The following EAF2 variants were observed in gnomAD, a reference collection of about 807,000 sequenced individuals.
EAF2 encodes ELL-associated factor 2.
EAF2 carries 29 observed loss-of-function variants against 29.4 expected under a neutral mutation model. The observed-to-expected ratio is 0.99, with a 90% CI of 0.73 to 1.35. EAF2 has a LOEUF of 1.35. EAF2 is among the 40% of genes most tolerant of loss of function. The probability of loss-of-function intolerance (pLI) is 0.00; values close to 1 mark genes in which losing one functional copy is unlikely to be tolerated. For synonymous variants in EAF2, 103 were observed against 102.5 expected (o/e 1.00, Z -0.03); for missense variants, 292 against 312.0 (o/e 0.94, Z 0.48).
At chr3:121,877,306 A>C (rs2107545258) in intron 5 of EAF2, among the ~76,000 whole-genome samples, 1 of 152,050 alleles carries the variant, frequency 6.6e-6, no homozygotes, top group South Asian at 2.1e-4. Flanking sequence ...ATCTGTAATC[A>C]AGCAGAAAAA....
intron 2 of EAF2, among the ~76,000 whole-genome samples, chr3:121,845,420 A>G (rs1339811335): frequency 7.6e-6 from 1 of 132,344 alleles, no homozygotes; most frequent in African/African-American, 2.8e-5. Flanking sequence ...CCTGGGCGAT[A>G]GAGCGAGACT....
At chr3:121,869,880 C>G (rs771549408) in intron 4 of EAF2, among the ~76,000 whole-genome samples, 1 of 151,862 alleles carries the variant, frequency 6.6e-6, no homozygotes, top group Non-Finnish European at 1.5e-5. Flanking sequence ...CAGAGTAAGA[C>G]CCTATCTAAA....
chr3:121,862,258 A>C (rs929550570), intron 4 of EAF2, among the ~76,000 whole-genome samples: 1 of 152,168 alleles, frequency 6.6e-6, no homozygotes, highest in South Asian at 2.1e-4. Context: ...TAATATCCTG[A>C]AGAGTGTTTT....
chr3:121,863,325 A>G (rs946689223), intron 4 of EAF2, among the ~76,000 whole-genome samples: 12 of 152,222 alleles, frequency 7.9e-5, no homozygotes, highest in Middle Eastern at 3.4e-3. Flanking sequence ...GGCCTCCTTG[A>G]GCTGCGGTGG....
chr3:121,848,490 G>A (rs998729363), intron 2 of EAF2, among the ~76,000 whole-genome samples: 12 of 152,140 alleles, frequency 7.9e-5, no homozygotes, highest in Non-Finnish European at 1.6e-4. Context: ...AGGGAATGCA[G>A]CATTTAAATC....
At chr3:121,842,567 C>T (rs545862538) in intron 1 of EAF2, among the ~76,000 whole-genome samples, 1 of 152,288 alleles carries the variant, frequency 6.6e-6, no homozygotes, top group East Asian at 1.9e-4. Flanking sequence ...CACTACTTTT[C>T]AGGATTGGTG....
intron 4 of EAF2, among the ~76,000 whole-genome samples, chr3:121,863,279 C>T (rs1426890052): frequency 1.3e-5 from 2 of 152,216 alleles, no homozygotes; most frequent in African/African-American, 4.8e-5. Context: ...TTCAGCTATG[C>T]CCTGCCCCCA....
chr3:121,885,430 G>A (rs1335386599), intron 5 of EAF2, among the ~76,000 whole-genome samples: 2 of 152,116 alleles, frequency 1.3e-5, no homozygotes, highest in African/African-American at 4.8e-5. Flanking sequence ...TCTACAACCG[G>A]TTTTAAGTTA....
At position 121,851,350 on chromosome 3, in the gene EAF2, A is replaced by AG. The variant is rs1002926761; in HGVS notation, c.202-3336dup. On this transcript the variant is annotated intron_variant, in intron 2 of 5. Coordinates refer to ENST00000273668, the MANE Select transcript of EAF2 (RefSeq NM_018456.6). ...GCACCACCATGCCCAGCTAATTTTT[A>AG]GTTTTTTTTTTGTGGACACAGGTTG... Among the ~76,000 whole-genome samples, 6 of 137,742 alleles carry AG rather than the reference A, an allele frequency of 4.4e-5. No homozygotes were observed. The South Asian group carries it at 1.1e-3, about 24-fold the overall frequency. The allele number at this position is 137,742 out of a possible 152,430, so 90.4% of individuals were successfully genotyped here.
At chr3:121,879,377 C>A (rs1709154178) in intron 5 of EAF2, among the ~76,000 whole-genome samples, 1 of 152,022 alleles carries the variant, frequency 6.6e-6, no homozygotes, top group Non-Finnish European at 1.5e-5. Context: ...TGTGCAGAAG[C>A]TTTTTAGTTT....
chr3:121,842,710 G>A (rs1167733605), intron 1 of EAF2, among the ~76,000 whole-genome samples: 2 of 152,122 alleles, frequency 1.3e-5, no homozygotes, highest in Non-Finnish European at 2.9e-5. Flanking sequence ...TTATCTCTGT[G>A]ATACTTACTC....
At chr3:121,843,159 T>C (rs1708464247) in intron 1 of EAF2, among the ~76,000 whole-genome samples, 2 of 152,154 alleles carry the variant, frequency 1.3e-5, no homozygotes, top group African/African-American at 4.8e-5. Flanking sequence ...TATTTCAGAG[T>C]TGTTATAAGA....
At chr3:121,863,968 T>C (rs1422196906) in intron 4 of EAF2, among the ~76,000 whole-genome samples, 1 of 152,162 alleles carries the variant, frequency 6.6e-6, no homozygotes, top group African/African-American at 2.4e-5. Flanking sequence ...CAAAATTTTT[T>C]ATGTATGGCC....
chr3:121,851,269 C>G (rs909085544), intron 2 of EAF2, among the ~76,000 whole-genome samples: 3 of 152,076 alleles, frequency 2.0e-5, no homozygotes, highest in Non-Finnish European at 4.4e-5. Flanking sequence ...CCTCCAACTC[C>G]TGGGCTCAAG....
At chr3:121,877,498 T>A (rs1709120308) in intron 5 of EAF2, among the ~76,000 whole-genome samples, 1 of 152,000 alleles carries the variant, frequency 6.6e-6, no homozygotes, top group Non-Finnish European at 1.5e-5. Flanking sequence ...AAGAATTCAC[T>A]TTTTAAATGA....
chr3:121,854,554 A>G, intron 2 of EAF2, 133 bp from the exon 3 acceptor site: 2 of 598,386 alleles, frequency 3.3e-6, no homozygotes, highest in Non-Finnish European at 5.3e-6. Context: ...GATTCAGGGT[A>G]GTAAATTTAG....
intron 5 of EAF2, among the ~76,000 whole-genome samples, chr3:121,879,450 A>G (rs2332056): frequency 0.25 from 38,483 of 151,986 alleles, 5,194 homozygotes; most frequent in South Asian, 0.39. Flanking sequence ...TACATACAAA[A>G]AAATCTTGGC....
rs141643335 is a variant in EAF2 at position 121,877,372 on chromosome 3, T to C, written c.736+4584T>C. 8.7e-3 allele frequency among the ~76,000 whole-genome samples: 1,330 copies of C among 152,072 alleles called. 30 individuals are homozygous for C. The highest frequency in any genetic ancestry group is 0.031 in the African/African-American group (1,273 of 41,490). On this transcript the variant is annotated intron_variant, in intron 5 of 5. Coordinates refer to ENST00000273668, the MANE Select transcript of EAF2 (RefSeq NM_018456.6). ...ATAATAGACATACCTATTCTAATAG[T>C]GAATACATAGAATCCTACAATCCAA... is the stretch of plus-strand genomic sequence containing the variant.
chr3:121,883,024 T>C (rs1226368414), intron 5 of EAF2, among the ~76,000 whole-genome samples: 1 of 152,092 alleles, frequency 6.6e-6, no homozygotes, highest in East Asian at 1.9e-4. Context: ...ATTAATTTAA[T>C]TTAATATAAA....
Sources: gnomAD v4.1 joint callset for allele counts (sites outside exome capture counted in the v4.1 genomes callset) on GRCh38, gnomAD v4.1.1 for gene constraint, MANE v1.5 for transcripts, NCBI Gene and HGNC (gene_info 2026-07-23, HGNC 2026-07-21) for gene names.